Variants in ZNF516 observed in about 807,000 individuals in gnomAD.
ZNF516 encodes the protein zinc finger protein 516.
Under a neutral mutation model 79.7 loss-of-function variants are expected in ZNF516, and 19 were observed. The observed-to-expected ratio is 0.24, with a 90% CI of 0.17 to 0.35. The LOEUF (loss-of-function observed/expected upper bound fraction) is 0.35, where lower values mean the gene tolerates loss of function less well. Among genes scored for constraint, ZNF516 ranks in the 10% least tolerant of loss-of-function variants. ZNF516 has a pLI of 1.00. For synonymous variants in ZNF516, 877 were observed against 739.5 expected (o/e 1.19, Z -3.02); for missense variants, 1,678 against 1,679.5 (o/e 1.00, Z 0.02).
At chr18:76,480,162 A>T (rs1314746577) in intron 1 of ZNF516, among the ~76,000 whole-genome samples, 1 of 68,572 alleles carries the variant, frequency 1.5e-5, no homozygotes, top group East Asian at 3.1e-4. Flanking sequence ...TTTTGTGTAA[A>T]AAAAAAAAAA....
chr18:76,391,179 G>A (rs141317389), intron 3 of ZNF516, among the ~76,000 whole-genome samples: 3 of 152,246 alleles, frequency 2.0e-5, no homozygotes, highest in African/African-American at 7.2e-5. Flanking sequence ...TGAAGAGTCT[G>A]CACTTTAGGA....
At chr18:76,386,570 C>G (rs1345204274) in intron 3 of ZNF516, 2 of 152,102 alleles carry the variant, frequency 1.3e-5, no homozygotes, top group Non-Finnish European at 2.9e-5. Flanking sequence ...AAGACGAATT[C>G]AGTTAAGCGA....
intron 1 of ZNF516, among the ~76,000 whole-genome samples, chr18:76,464,704 C>T (rs1913346808): frequency 6.7e-6 from 1 of 149,726 alleles, no homozygotes; most frequent in Non-Finnish European, 1.5e-5. Context: ...GCCTCCCTGG[C>T]ACCCCCAGCC....
At chr18:76,412,489 C>T (rs1479714399) in intron 3 of ZNF516, among the ~76,000 whole-genome samples, 1 of 152,152 alleles carries the variant, frequency 6.6e-6, no homozygotes, top group Non-Finnish European at 1.5e-5. Context: ...TGGGGACCGA[C>T]GGGAGCCCAC....
At chr18:76,380,549 T>C (rs2074874585) in intron 3 of ZNF516, among the ~76,000 whole-genome samples, 1 of 152,048 alleles carries the variant, frequency 6.6e-6, no homozygotes, top group African/African-American at 2.4e-5. Context: ...AAAAATACAA[T>C]AGCAGTGGTG....
chr18:76,409,605 C>CTATTACACCAAAAA (rs2075347654), intron 3 of ZNF516, among the ~76,000 whole-genome samples: 3 of 152,216 alleles, frequency 2.0e-5, no homozygotes, highest in Admixed American at 2.0e-4. Flanking sequence ...AGTATACCAA[C>CTATTACACCAAAAA]TATTACACCA....
chr18:76,396,743 T>G (rs1024482879), intron 3 of ZNF516, among the ~76,000 whole-genome samples: 40 of 152,154 alleles, frequency 2.6e-4, no homozygotes, highest in Non-Finnish European at 5.3e-4. Flanking sequence ...GAAAGGATCT[T>G]GGCAGCAGGC....
chr18:76,423,946 T>C (rs1270869718), intron 3 of ZNF516, among the ~76,000 whole-genome samples: 10 of 87,402 alleles, frequency 1.1e-4, no homozygotes, highest in African/African-American at 1.4e-4. Context: ...GTGAAAAGGC[T>C]CCCCCGAAAC....
chr18:76,440,029 G>T (rs2075794987), intron 3 of ZNF516, among the ~76,000 whole-genome samples: 1 of 152,180 alleles, frequency 6.6e-6, no homozygotes, highest in Non-Finnish European at 1.5e-5. Flanking sequence ...CTCCCACGGG[G>T]ACCAATGACT....
intron 3 of ZNF516, among the ~76,000 whole-genome samples, chr18:76,437,870 A>G (rs2075764585): frequency 6.6e-6 from 1 of 152,246 alleles, no homozygotes; most frequent in South Asian, 2.1e-4. Flanking sequence ...TGTGGAATCC[A>G]CGGATACACA....
intron 3 of ZNF516, among the ~76,000 whole-genome samples, chr18:76,432,379 C>A (rs1475539495): frequency 6.6e-6 from 1 of 152,242 alleles, no homozygotes; most frequent in Non-Finnish European, 1.5e-5. Context: ...GTGCAAAGCA[C>A]CAGCACCACC....
chr18:76,495,243 A>G (rs1389949570), upstream of ZNF516: 1 of 146,276 alleles, frequency 6.8e-6, no homozygotes, highest in Non-Finnish European at 1.5e-5. Flanking sequence ...GCGCTGCACT[A>G]GACCGACCGC....
chr18:76,490,366 T>C, intron 1 of ZNF516: 1 of 188,746 alleles, frequency 5.3e-6, no homozygotes, highest in Non-Finnish European at 9.9e-6. Context: ...TGTGTAAATA[T>C]AAATAACAGT....
At chr18:76,494,949 T>C (rs1211053621) in intron 1 of ZNF516, among the ~76,000 whole-genome samples, 195 bp downstream of exon 1, 1 of 142,070 alleles carries the variant, frequency 7.0e-6, no homozygotes, top group Non-Finnish European at 1.5e-5. Context: ...GCAGAGCAAC[T>C]ACCCACCGGG....
intron 1 of ZNF516, chr18:76,487,847 A>G: frequency 1.3e-6 from 1 of 794,290 alleles, no homozygotes; most frequent in Non-Finnish European, 1.5e-6. Flanking sequence ...CCCTAGATAC[A>G]TTCCCGTAAT....
chr18:76,380,171 G>A lies in ZNF516; in HGVS notation c.1943C>T (p.Ala648Val), dbSNP rs1353690119. 1.2e-6 allele frequency: 2 copies of A among 1,613,868 alleles called. No individual in the cohort carries two copies. The highest frequency in any genetic ancestry group is 2.2e-5 in the East Asian group (1 of 44,884). Residue 648 changes from alanine (A) to valine (V), a missense_variant, in exon 4 of 7, where the codon GCT becomes GTT. Physicochemically the swap from Ala to Val is moderately conservative, Grantham distance 64 (BLOSUM62 0). Transcript: ENST00000443185. Reference sequence around the variant, plus strand: ...ACTGTTTTCAAGTATGGACACAGAAGCTGCGATCCCTGCCTTGGACTCGCC... The same window carrying A: ...ACTGTTTTCAAGTATGGACACAGAAACTGCGATCCCTGCCTTGGACTCGCC... ...DTGESKAGIA[A>V]SVSILENSSR...
chr18:76,368,136 A>G (rs1296328701), intron 6 of ZNF516, among the ~76,000 whole-genome samples: 2 of 152,230 alleles, frequency 1.3e-5, no homozygotes, highest in African/African-American at 4.8e-5. Flanking sequence ...TCTATAATCT[A>G]TAAGGTATCT....
At chr18:76,473,323 G>A (rs1182239834) in intron 1 of ZNF516, among the ~76,000 whole-genome samples, 12 of 132,928 alleles carry the variant, frequency 9.0e-5, no homozygotes, top group Non-Finnish European at 1.6e-4. Flanking sequence ...TCCATGATAG[G>A]GTTAAAAATT....
At chr18:76,433,061 T>C (rs1454498473) in intron 3 of ZNF516, among the ~76,000 whole-genome samples, 1 of 152,172 alleles carries the variant, frequency 6.6e-6, no homozygotes, top group Admixed American at 6.5e-5. Context: ...AATCCACACA[T>C]GCGGCACTTT....
Sources: allele counts gnomAD v4.1 joint callset (sites outside exome capture counted in the v4.1 genomes callset), GRCh38; gene constraint gnomAD v4.1.1; transcripts MANE v1.5; gene names NCBI Gene and HGNC (gene_info 2026-07-23, HGNC 2026-07-21).